Variants in ADCY8 observed in about 807,000 individuals in gnomAD.
ADCY8 encodes the protein adenylate cyclase type 8.
ADCY8 carries 51 observed loss-of-function variants against 119.7 expected under a neutral mutation model. That is an observed-to-expected ratio of 0.43 (90% CI 0.34 to 0.54). The LOEUF (loss-of-function observed/expected upper bound fraction) is 0.54, where lower values mean the gene tolerates loss of function less well. Among genes scored for constraint, ADCY8 ranks in the 20% least tolerant of loss-of-function variants. ADCY8 has a pLI of 0.03. For missense variants in ADCY8, 1,383 were observed against 1,598.8 expected (o/e 0.87, Z 2.30); for synonymous variants, 665 against 651.0 (o/e 1.02, Z -0.33).
intron 2 of ADCY8, among the ~76,000 whole-genome samples, chr8:130,985,707 A>C (rs556571241): frequency 2.0e-5 from 3 of 152,316 alleles, no homozygotes; most frequent in Non-Finnish European, 4.4e-5. Context: ...AAAGTCCCCA[A>C]GATGTTAAAA....
chr8:130,780,495 G>T lies in ADCY8; in HGVS notation c.3651C>A (p.Asn1217Lys), dbSNP rs1815041658. 4 of 1,613,984 alleles carry T rather than the reference G, an allele frequency of 2.5e-6. No individual in the cohort carries two copies. The highest frequency in any genetic ancestry group is 3.4e-6 in the Non-Finnish European group (4 of 1,180,014). ...RQKQLLNENN[N>K]TGIIKGHYNR... ...TGTAATGACCCTTGATGATTCCTGT[G>T]TTGTTGTTCTCATTGAGTAGCTGCT... Residue 1217 changes from asparagine (N) to lysine (K), a missense_variant, in exon 18 of 18, where the codon AAC becomes AAA. Physicochemically the swap from Asn to Lys is moderately conservative, Grantham distance 94. Around this residue, in one of 2 missense-constraint regions of ADCY8, gnomAD observed 928 missense variants for 1,163.5 expected, o/e 0.80. Coordinates refer to ENST00000286355, the MANE Select transcript of ADCY8 (RefSeq NM_001115.3).
chr8:130,929,313 G>T (rs1199840838), intron 5 of ADCY8, among the ~76,000 whole-genome samples: 2 of 152,090 alleles, frequency 1.3e-5, no homozygotes, highest in East Asian at 3.9e-4. Context: ...AACTGCCTTT[G>T]CTGTATCCCA....
At chr8:130,985,375 GT>G (rs1822371840) in intron 2 of ADCY8, among the ~76,000 whole-genome samples, 1 of 152,182 alleles carries the variant, frequency 6.6e-6, no homozygotes, top group Admixed American at 6.5e-5. Flanking sequence ...AAAGGCATGA[GT>G]GTAGAGGGTA....
At chr8:130,989,050 A>T (rs539336982) in intron 2 of ADCY8, among the ~76,000 whole-genome samples, 1 of 152,236 alleles carries the variant, frequency 6.6e-6, no homozygotes, top group Non-Finnish European at 1.5e-5. Context: ...ATAATACAGT[A>T]GTCCTGGGAG....
chr8:130,878,826 G>T (rs758393985), intron 8 of ADCY8, among the ~76,000 whole-genome samples: 1 of 152,134 alleles, frequency 6.6e-6, no homozygotes, highest in East Asian at 1.9e-4. Context: ...ATTAAAAGAA[G>T]GAAGGAACTT....
chr8:130,997,000 C>CT (rs1438035326), intron 1 of ADCY8, among the ~76,000 whole-genome samples: 1 of 152,064 alleles, frequency 6.6e-6, no homozygotes, highest in African/African-American at 2.4e-5. Context: ...TTCATTGTAG[C>CT]TTTATTCATG....
chr8:130,877,564 T>C (rs925986224), intron 8 of ADCY8, among the ~76,000 whole-genome samples: 2 of 152,216 alleles, frequency 1.3e-5, no homozygotes, highest in Non-Finnish European at 2.9e-5. Flanking sequence ...AGACAATCTT[T>C]TGCAGGAGCA....
chr8:130,975,129 G>T (rs6986982), intron 2 of ADCY8, among the ~76,000 whole-genome samples: 1 of 151,998 alleles, frequency 6.6e-6, no homozygotes, highest in Non-Finnish European at 1.5e-5. Context: ...TTGTTTAATC[G>T]TGGGAGAGGT....
chr8:130,983,520 G>T (rs752561461), intron 2 of ADCY8, among the ~76,000 whole-genome samples: 5 of 151,754 alleles, frequency 3.3e-5, no homozygotes, highest in Non-Finnish European at 5.9e-5. Flanking sequence ...GAAATCCAAG[G>T]CATAGACGTG....
rs370325893 is a variant in ADCY8 at position 130,849,656 on chromosome 8, G to A, written c.2358C>T (p.Asn786=). The change falls in exon 10 of 18, where the codon AAC becomes AAT. Residue 786 remains asparagine, a synonymous_variant. Transcript: ENST00000286355. ...TCAAAATGGATGCAAAGATGATGAC[G>A]TTCCGGGCCAAATAGGTCTCATTAA... ...CWINETYLAR[N]VIIFASILIN... The A allele has an allele frequency of 1.7e-5, 28 of 1,613,930 alleles. No individual in the cohort carries two copies. Among genetic ancestry groups the A allele is most frequent in the African/African-American group, 5.3e-5 (4 of 74,906 alleles).
intron 1 of ADCY8, among the ~76,000 whole-genome samples, chr8:131,029,921 C>G (rs914876543): frequency 6.6e-6 from 1 of 151,968 alleles, no homozygotes; most frequent in Non-Finnish European, 1.5e-5. Context: ...TTCATTCATT[C>G]CATTCATTTA....
chr8:131,000,741 AC>A (rs1822917950), intron 1 of ADCY8, among the ~76,000 whole-genome samples: 1 of 151,926 alleles, frequency 6.6e-6, no homozygotes, highest in African/African-American at 2.4e-5. Context: ...ACGACAGTTC[AC>A]CCCATCAACA....
At chr8:130,995,198 TATA>T (rs1397550607) in intron 1 of ADCY8, among the ~76,000 whole-genome samples, 1 of 152,186 alleles carries the variant, frequency 6.6e-6, no homozygotes, top group African/African-American at 2.4e-5. Flanking sequence ...GATCAAAGGA[TATA>T]ATAAGATCTT....
Position 130,780,693 on chromosome 8 carries a change from C to T in ADCY8, c.3453G>A (p.Gly1151=). ...CACTGATACCCTTCACATAGATCTCCCCTCGGTAATCAAAGGCAAAGCCCT... is the reference window on the plus strand; with the variant it reads ...CACTGATACCCTTCACATAGATCTCTCCTCGGTAATCAAAGGCAAAGCCCT... ...KDQGFAFDYR[G]EIYVKGISEQ... The change falls in exon 18 of 18, where the codon GGG becomes GGA. Residue 1151 remains glycine, a synonymous_variant. Transcript: ENST00000286355. The T allele has an allele frequency of 1.9e-6, 3 of 1,614,154 alleles. No homozygotes were observed. Among genetic ancestry groups the T allele is most frequent in the Non-Finnish European group, 2.5e-6 (3 of 1,180,008 alleles).
intron 1 of ADCY8, among the ~76,000 whole-genome samples, chr8:130,995,298 C>T (rs936805045): frequency 2.0e-5 from 3 of 152,002 alleles, no homozygotes; most frequent in South Asian, 2.1e-4. Context: ...GAAAAGTGGG[C>T]TTGGGAGAAG....
Position 130,839,976 on chromosome 8 carries a change from A to G in ADCY8, c.2503-3527T>C, listed in dbSNP as rs958751131. Among the ~76,000 whole-genome samples, 6 of 140,338 alleles carry G rather than the reference A, an allele frequency of 4.3e-5. 2 individuals are homozygous for G. The highest frequency in any genetic ancestry group is 5.7e-4 in the South Asian group (2 of 3,506). 92.1% of individuals were successfully genotyped at this position (140,338 alleles called of 152,430 possible). On this transcript the variant is annotated intron_variant, in intron 11 of 17. Coordinates refer to ENST00000286355, the MANE Select transcript of ADCY8 (RefSeq NM_001115.3). ...TGAGAAAAGCTGAGGACTTAAAGAC[A>G]AGATCTTGGCAAATATACCCAATAA... is the stretch of plus-strand genomic sequence containing the variant.
At chr8:130,780,978 T>G in intron 17 of ADCY8, 101 bp from the exon 18 acceptor site, 10 of 1,480,342 alleles carry the variant, frequency 6.8e-6, no homozygotes, top group Non-Finnish European at 8.3e-6. Context: ...GTGGGGTCTC[T>G]GTGGATGAAC....
At position 130,929,390 on chromosome 8, in the gene ADCY8, T is replaced by C. The variant is rs1322588675; in HGVS notation, c.1481+7683A>G. 2.6e-5 allele frequency among the ~76,000 whole-genome samples: 4 copies of C among 152,204 alleles called. No homozygotes were observed. In the East Asian group the frequency reaches 7.7e-4, roughly 29 times the overall value. On this transcript the variant is annotated intron_variant, in intron 5 of 17. Coordinates refer to ENST00000286355, the MANE Select transcript of ADCY8 (RefSeq NM_001115.3). ...ATTTTCCTTTAAGTTCCTTCATTGA[T>C]CCATTGGTTGTCCAGGAGCATGTTG...
At chr8:130,896,423 T>C (rs1418065900) in intron 7 of ADCY8, among the ~76,000 whole-genome samples, 1 of 152,090 alleles carries the variant, frequency 6.6e-6, no homozygotes, top group African/African-American at 2.4e-5. Context: ...AAAGAATGCA[T>C]TTTTTTGCAC....
Sources: allele counts gnomAD v4.1 joint callset (sites outside exome capture counted in the v4.1 genomes callset), GRCh38; gene constraint gnomAD v4.1.1; regional missense constraint gnomAD v4.1.1; transcripts MANE v1.5; gene names NCBI Gene and HGNC (gene_info 2026-07-23, HGNC 2026-07-21).